The following FAM180A variants were observed in gnomAD, a reference collection of about 807,000 sequenced individuals.
The protein encoded by FAM180A is protein FAM180A.
A neutral mutation model predicts 15.3 loss-of-function variants in FAM180A; 14 were observed. That is an observed-to-expected ratio of 0.92 (90% CI 0.61 to 1.43). The LOEUF (loss-of-function observed/expected upper bound fraction) is 1.43. Among genes scored for constraint, FAM180A ranks in the 40% most tolerant of loss-of-function variants. The pLI is 0.00. For missense variants in FAM180A, 200 were observed against 220.8 expected, an observed-to-expected ratio of 0.91 and a Z score of 0.60; for synonymous variants, 90 against 96.8, an observed-to-expected ratio of 0.93 and a Z score of 0.41.
intron 1 of FAM180A, among the ~76,000 whole-genome samples, chr7:135,738,786 C>T (rs546348908): frequency 6.6e-6 from 1 of 152,126 alleles, no homozygotes; most frequent in Non-Finnish European, 1.5e-5. Flanking sequence ...CAGAAATGAT[C>T]GGCAAGCCCT....
intron 1 of FAM180A, 70 bp from the exon 2 acceptor site, chr7:135,737,269 G>GACTACCTTC: frequency 8.0e-7 from 1 of 1,245,692 alleles, no homozygotes; most frequent in Non-Finnish European, 1.1e-6. Flanking sequence ...GATCCACCTT[G>GACTACCTTC]AAGGTAGTCA....
At chr7:135,735,712 T>C (rs749989698) in intron 2 of FAM180A, among the ~76,000 whole-genome samples, 8 of 152,210 alleles carry the variant, frequency 5.3e-5, no homozygotes, top group Non-Finnish European at 8.8e-5. Flanking sequence ...TTTTTTATTT[T>C]ATTTTTTTGA....
At chr7:135,743,327 C>T (rs1796982467) in intron 1 of FAM180A, among the ~76,000 whole-genome samples, 1 of 151,276 alleles carries the variant, frequency 6.6e-6, no homozygotes, top group Non-Finnish European at 1.5e-5. Flanking sequence ...GCCTCAGCCT[C>T]CTGAGTAGTT....
chr7:135,748,781 T>C lies in FAM180A; in HGVS notation c.-201A>G, dbSNP rs1797067302. 1 of 573,124 alleles carries C rather than the reference T, an allele frequency of 1.7e-6. No homozygotes were observed. Among genetic ancestry groups the C allele is most frequent in the Non-Finnish European group, 3.1e-6 (1 of 320,834 alleles). The allele number at this position is 573,124 out of a possible 1,614,324, so 35.5% of individuals were successfully genotyped here. A position where few individuals can be genotyped will look rare whatever the true frequency, so the allele number is the denominator to read the frequency against. On this transcript the variant is annotated 5_prime_UTR_variant, in exon 1 of 4. Coordinates refer to ENST00000338588, the MANE Select transcript of FAM180A (RefSeq NM_205855.4). ...TGGGTGGGACAGGAGTCGGTACCTCTCTTCATTTGACGCTCTCTGGGATTG... is the reference window on the plus strand; with the variant it reads ...TGGGTGGGACAGGAGTCGGTACCTCCCTTCATTTGACGCTCTCTGGGATTG...
At chr7:135,747,031 C>T (rs1191147453) in intron 1 of FAM180A, among the ~76,000 whole-genome samples, 3 of 152,100 alleles carry the variant, frequency 2.0e-5, no homozygotes, top group Non-Finnish European at 2.9e-5. Context: ...ACCTGGGAGG[C>T]GGAGGTTGCA....
chr7:135,746,320 G>A (rs191098381), intron 1 of FAM180A, among the ~76,000 whole-genome samples: 1 of 152,136 alleles, frequency 6.6e-6, no homozygotes, highest in African/African-American at 2.4e-5. Context: ...GTAGGCAATA[G>A]CTAATATTTA....
chr7:135,732,732 C>CAT (rs1235597250), intron 3 of FAM180A, among the ~76,000 whole-genome samples: 2 of 102,844 alleles, frequency 1.9e-5, no homozygotes, highest in Non-Finnish European at 3.9e-5. Flanking sequence ...CACACACACA[C>CAT]ACACACACAA....
At chr7:135,741,822 CAA>C (rs59304333) in intron 1 of FAM180A, among the ~76,000 whole-genome samples, 21 of 119,164 alleles carry the variant, frequency 1.8e-4, no homozygotes, top group Admixed American at 4.5e-4. Context: ...GACCCTGTCT[CAA>C]AAAAAAAAAA....
intron 3 of FAM180A, among the ~76,000 whole-genome samples, chr7:135,731,105 G>A (rs192570110): frequency 6.4e-4 from 97 of 152,230 alleles, no homozygotes; most frequent in Middle Eastern, 3.4e-3. Flanking sequence ...ACATAACATG[G>A]TGGTCAGGGA....
rs575572279 is a variant in FAM180A at position 135,731,135 on chromosome 7, C to T, written c.*330-854G>A. 2.0e-5 allele frequency among the ~76,000 whole-genome samples: 3 copies of T among 152,180 alleles called. 1 individual carries two copies. The highest frequency in any genetic ancestry group is 7.2e-5 in the African/African-American group (3 of 41,518). On this transcript the variant is annotated intron_variant, in intron 3 of 3. Coordinates refer to ENST00000338588, the MANE Select transcript of FAM180A (RefSeq NM_205855.4). ...CAGGGACTACAAGGGTGGGCCTTTC[C>T]ATCTGATGATTCTGAGTACAAGAAA...
intron 2 of FAM180A, among the ~76,000 whole-genome samples, chr7:135,735,376 C>G (rs1343251763): frequency 2.0e-5 from 3 of 152,212 alleles, no homozygotes; most frequent in Admixed American, 1.3e-4. Context: ...TGCTAGGAAT[C>G]AAGTGGGACA....
chr7:135,746,958 G>A (rs1459446632), intron 1 of FAM180A, among the ~76,000 whole-genome samples: 1 of 152,110 alleles, frequency 6.6e-6, no homozygotes, highest in Admixed American at 6.5e-5. Context: ...AAATTAGCCA[G>A]GCGTGGTGGT....
At chr7:135,740,227 C>T (rs533119470) in intron 1 of FAM180A, among the ~76,000 whole-genome samples, 48 of 152,296 alleles carry the variant, frequency 3.2e-4, no homozygotes, top group Non-Finnish European at 6.6e-4. Context: ...GTCACCAAAG[C>T]GGTTTCTTGG....
At position 135,746,255 on chromosome 7, in the gene FAM180A, C is replaced by T. The variant is rs572355117; in HGVS notation, c.76+2250G>A. ...CTCCCAGAATGTTGCTGTAGATTCC[C>T]CTGTTAAGAGCCTTAAACTTCCTTT... is the stretch of plus-strand genomic sequence containing the variant. On this transcript the variant is annotated intron_variant, in intron 1 of 3. Coordinates refer to ENST00000338588, the MANE Select transcript of FAM180A (RefSeq NM_205855.4). Among the ~76,000 whole-genome samples, 20 of 152,236 alleles carry T rather than the reference C, an allele frequency of 1.3e-4. 1 individual carries two copies. The South Asian group carries it at 3.7e-3, about 28-fold the overall frequency.
chr7:135,740,560 C>A (rs139362166), intron 1 of FAM180A, among the ~76,000 whole-genome samples: 1,656 of 152,234 alleles, frequency 0.011, 10 homozygotes, highest in Non-Finnish European at 0.018. Flanking sequence ...TTTCCAGCTC[C>A]CAGGCTCCAG....
At chr7:135,746,049 G>A (rs1406909021) in intron 1 of FAM180A, among the ~76,000 whole-genome samples, 1 of 152,040 alleles carries the variant, frequency 6.6e-6, no homozygotes, top group East Asian at 1.9e-4. Flanking sequence ...GAAGACATTT[G>A]ATGATGGTTG....
At chr7:135,735,239 C>G (rs1450120125) in intron 2 of FAM180A, among the ~76,000 whole-genome samples, 1 of 152,178 alleles carries the variant, frequency 6.6e-6, no homozygotes, top group Non-Finnish European at 1.5e-5. Flanking sequence ...TTCTTGGCAG[C>G]TCTTGGAAAA....
At position 135,734,252 on chromosome 7, in the gene FAM180A, G is replaced by A. The variant is rs1379712830; in HGVS notation, c.245C>T (p.Ser82Phe). 1.2e-6 allele frequency: 2 copies of A among 1,614,048 alleles called. No individual in the cohort carries two copies. Among genetic ancestry groups the A allele is most frequent in the African/African-American group, 2.7e-5 (2 of 74,946 alleles). ...QISIKDEELA[S>F]LRKASDFRTV... ...GCGGAAGTCTGAGGCCTTCCGCAAG[G>A]AGGCCAGCTCCTCGTCCTTGATGGA... Residue 82 changes from serine (S) to phenylalanine (F), a missense_variant, in exon 3 of 4, where the codon TCC (serine) becomes TTC (phenylalanine). Physicochemically the swap from Ser to Phe is radical, Grantham distance 155. Transcript: ENST00000338588.
chr7:135,740,393 C>T (rs1175353538), intron 1 of FAM180A, among the ~76,000 whole-genome samples: 1 of 152,186 alleles, frequency 6.6e-6, no homozygotes, highest in Non-Finnish European at 1.5e-5. Flanking sequence ...AGACGCTGAC[C>T]CTAGGCTGTG....
Sources: gnomAD v4.1 joint callset for allele counts (sites outside exome capture counted in the v4.1 genomes callset) on GRCh38, gnomAD v4.1.1 for gene constraint, MANE v1.5 for transcripts, NCBI Gene and HGNC (gene_info 2026-07-23, HGNC 2026-07-21) for gene names.